ADAMTS2: variants seen among roughly 807,000 people sequenced by gnomAD.
ADAMTS2 encodes ADAM metallopeptidase with thrombospondin type 1 motif 2.
ADAMTS2 carries 50 observed loss-of-function variants against 123.0 expected under a neutral mutation model. The observed-to-expected ratio is 0.41, with a 90% confidence interval of 0.32 to 0.51. The LOEUF (loss-of-function observed/expected upper bound fraction) is 0.51, where lower values mean the gene tolerates loss of function less well. ADAMTS2 is among the 20% of genes least tolerant of loss of function. ADAMTS2 has a pLI of 0.35. For missense variants in ADAMTS2, 1,494 were observed against 1,705.2 expected (o/e 0.88, Z 2.18); for synonymous variants, 678 against 695.4 (o/e 0.98, Z 0.39).
At chr5:179,247,893 G>A (rs1031868716) in intron 3 of ADAMTS2, among the ~76,000 whole-genome samples, 1 of 152,118 alleles carries the variant, frequency 6.6e-6, no homozygotes, top group African/African-American at 2.4e-5. Flanking sequence ...CCTTCAGGTT[G>A]AAATAAAAGG....
At position 179,343,864 on chromosome 5, in the gene ADAMTS2, G is replaced by A; in HGVS notation, c.437C>T (p.Thr146Ile). 1.3e-6 allele frequency: 2 copies of A among 1,597,984 alleles called. No homozygotes were observed. Among genetic ancestry groups the A allele is most frequent in the South Asian group, 1.1e-5 (1 of 89,130 alleles). The change falls in exon 2 of 22, where the codon ACC becomes ATC. Residue 146 changes from threonine (T) to isoleucine (I), a missense_variant. Around this residue, in one of 6 missense-constraint regions of ADAMTS2, gnomAD observed 237 missense variants for 233.7 expected, o/e 1.01. Transcript: ENST00000251582. The part of the protein sequence containing the change: ...TMEWQGEKGT[T>I]RVEPLLGSCL... ...GCTCCCGAGCAGGGGCTCCACGCGG[G>A]TGGTGCCCTTCTCGCCCTGCCACTC...
chr5:179,334,036 G>T (rs1411609840), intron 2 of ADAMTS2, among the ~76,000 whole-genome samples: 2 of 152,226 alleles, frequency 1.3e-5, no homozygotes, highest in African/African-American at 4.8e-5. Context: ...GGCAAAGTCC[G>T]CTGTTAAGAC....
chr5:179,293,242 A>C (rs1459706977), intron 2 of ADAMTS2, among the ~76,000 whole-genome samples: 4 of 152,238 alleles, frequency 2.6e-5, no homozygotes, highest in South Asian at 2.1e-4. Flanking sequence ...AAAAAGTGCT[A>C]ATCTTCACAA....
chr5:179,343,728 A>G (rs1472416969), intron 2 of ADAMTS2, 39 bp downstream of exon 2: 1 of 1,598,512 alleles, frequency 6.3e-7, no homozygotes. Context: ...CCCAGGCGAG[A>G]GCAGCGGAGA....
intron 4 of ADAMTS2, among the ~76,000 whole-genome samples, chr5:179,183,723 C>T (rs1764101309): frequency 6.6e-6 from 1 of 152,198 alleles, no homozygotes; most frequent in African/African-American, 2.4e-5. Flanking sequence ...GGGGCACTGG[C>T]CTACAGGAGA....
intron 2 of ADAMTS2, among the ~76,000 whole-genome samples, chr5:179,342,692 G>A (rs932332259): frequency 2.0e-5 from 3 of 152,226 alleles, no homozygotes; most frequent in African/African-American, 4.8e-5. Flanking sequence ...CATGGTGGGC[G>A]GCTTCAGATG....
chr5:179,167,223 G>A (rs925843901), intron 5 of ADAMTS2, among the ~76,000 whole-genome samples: 14 of 146,430 alleles, frequency 9.6e-5, no homozygotes, highest in Admixed American at 1.4e-4. Flanking sequence ...GAAAGAGGTC[G>A]GGGTGCTGCC....
At chr5:179,313,025 C>A (rs193126884) in intron 2 of ADAMTS2, among the ~76,000 whole-genome samples, 116 of 152,322 alleles carry the variant, frequency 7.6e-4, no homozygotes, top group Non-Finnish European at 1.4e-3. Flanking sequence ...GTGAGCTAAA[C>A]CCTCCTCTTC....
intron 3 of ADAMTS2, among the ~76,000 whole-genome samples, chr5:179,250,250 G>T (rs752304730): frequency 6.6e-6 from 1 of 152,190 alleles, no homozygotes; most frequent in Non-Finnish European, 1.5e-5. Context: ...TCAACTGTAA[G>T]ACTGGAAGCC....
At chr5:179,211,014 T>C (rs951367323) in intron 3 of ADAMTS2, among the ~76,000 whole-genome samples, 1 of 152,350 alleles carries the variant, frequency 6.6e-6, no homozygotes, top group Admixed American at 6.5e-5. Context: ...GGGCCTGGCG[T>C]GGTCCTGAGT....
chr5:179,264,948 ACCAGCG>A (rs1260068248), intron 3 of ADAMTS2, among the ~76,000 whole-genome samples: 5,944 of 75,938 alleles, frequency 0.078, 247 homozygotes, highest in East Asian at 0.16. Context: ...TGACCCCTGC[ACCAGCG>A]CTGACCCCTG....
In ADAMTS2 at chr5:179,128,250, GC is replaced by G. The variant is rs1209019782; in HGVS notation, c.2458-133del. 1.7e-6 allele frequency: 2 copies of G among 1,156,278 alleles called. No homozygotes were observed. The highest frequency in any genetic ancestry group is 3.0e-5 in the African/African-American group (2 of 65,888). 71.6% of individuals were successfully genotyped at this position (1,156,278 alleles called of 1,614,324 possible). On this transcript the variant is annotated intron_variant, in intron 16 of 21. Transcript: ENST00000251582. This position sits in a 1 kb window ranked among gnomAD's most constrained non-coding sequence, Gnocchi z 4.9. ...CATGGCAGTTACATTCCATGAAGTC[GC>G]CCCGAGCACCAAATTCTTGAATAGG...
chr5:179,135,207 C>A (rs1418409413), intron 13 of ADAMTS2, among the ~76,000 whole-genome samples: 1 of 139,548 alleles, frequency 7.2e-6, no homozygotes, highest in Non-Finnish European at 1.6e-5. Flanking sequence ...GCTGTCCCTG[C>A]GCCCACTCCC....
chr5:179,259,203 G>A (rs2113484344), intron 3 of ADAMTS2, among the ~76,000 whole-genome samples: 1 of 152,198 alleles, frequency 6.6e-6, no homozygotes, highest in East Asian at 1.9e-4. Flanking sequence ...CACCCCTCAG[G>A]TACTTCGCAT....
intron 1 of ADAMTS2, 38 bp from the exon 2 acceptor site, chr5:179,344,199 G>C (rs1362268381): frequency 1.4e-5 from 22 of 1,548,790 alleles, no homozygotes; most frequent in Non-Finnish European, 1.7e-5. Context: ...CGGAGACCAC[G>C]GAGCCCCAGT....
chr5:179,323,678 G>A (rs463635), intron 2 of ADAMTS2, among the ~76,000 whole-genome samples: 100,490 of 152,184 alleles, frequency 0.66, 33,765 homozygotes, highest in African/African-American at 0.71. Context: ...ACCTGCGCCC[G>A]TCAGGGCAGA....
chr5:179,339,850 C>A (rs1279452551), intron 2 of ADAMTS2, among the ~76,000 whole-genome samples: 1 of 152,252 alleles, frequency 6.6e-6, no homozygotes, highest in Non-Finnish European at 1.5e-5. Context: ...CCTGAGCCTG[C>A]TGGAGCCCAG....
chr5:179,258,868 CCT>C (rs1766138574), intron 3 of ADAMTS2, among the ~76,000 whole-genome samples: 1 of 152,072 alleles, frequency 6.6e-6, no homozygotes, highest in African/African-American at 2.4e-5. Context: ...GGAGTATCCC[CCT>C]CTGACCAACC....
intron 3 of ADAMTS2, among the ~76,000 whole-genome samples, chr5:179,235,632 T>C (rs1765506471): frequency 6.6e-6 from 1 of 152,132 alleles, no homozygotes; most frequent in Admixed American, 6.5e-5. Context: ...CCAACGAAAG[T>C]GCTGGTAGGC....
Sources: allele counts gnomAD v4.1 joint callset (sites outside exome capture counted in the v4.1 genomes callset), GRCh38; gene constraint gnomAD v4.1.1; regional missense constraint gnomAD v4.1.1; non-coding constraint Gnocchi (gnomAD v3.1); transcripts MANE v1.5; gene names NCBI Gene and HGNC (gene_info 2026-07-23, HGNC 2026-07-21).